AGBL4: variants seen among roughly 807,000 people sequenced by gnomAD.
AGBL4 encodes the protein cytosolic carboxypeptidase 6.
AGBL4 carries 58 observed loss-of-function variants against 66.4 expected under a neutral mutation model. The observed-to-expected ratio is 0.87, with a 90% CI of 0.71 to 1.09. The LOEUF (loss-of-function observed/expected upper bound fraction) is 1.09. Among genes scored for constraint, AGBL4 ranks in the 50% least tolerant of loss-of-function variants. The pLI, the probability that AGBL4 is intolerant of heterozygous loss-of-function variation, is 0.00. For synonymous variants in AGBL4, 234 were observed against 222.9 expected (o/e 1.05, Z -0.44); for missense variants, 579 against 631.0 (o/e 0.92, Z 0.88).
intron 1 of AGBL4, among the ~76,000 whole-genome samples, chr1:49,982,498 T>G (rs1309465527): frequency 1.3e-5 from 2 of 152,182 alleles, no homozygotes; most frequent in Non-Finnish European, 2.9e-5. Context: ...AGGCGCCCCC[T>G]CAGCATGAAG....
intron 9 of AGBL4, among the ~76,000 whole-genome samples, chr1:48,594,468 T>C (rs1256259946): frequency 6.6e-6 from 1 of 152,230 alleles, no homozygotes; most frequent in Non-Finnish European, 1.5e-5. Context: ...AGCTATGTAT[T>C]ATAGAAATTA....
intron 3 of AGBL4, among the ~76,000 whole-genome samples, chr1:49,260,404 C>T (rs1653015617): frequency 6.6e-6 from 1 of 151,492 alleles, no homozygotes; most frequent in Non-Finnish European, 1.5e-5. Flanking sequence ...AATTGATAGA[C>T]CGCTAGCAAG....
chr1:48,761,642 A>C (rs140587792), intron 6 of AGBL4, among the ~76,000 whole-genome samples: 22 of 152,354 alleles, frequency 1.4e-4, no homozygotes, highest in African/African-American at 5.3e-4. Flanking sequence ...TCCTAATAGC[A>C]GTGCAGATCT....
At chr1:48,528,479 C>A (rs889239427), downstream of AGBL4, among the ~76,000 whole-genome samples, 9 of 152,190 alleles carry the variant, frequency 5.9e-5, no homozygotes, top group African/African-American at 2.2e-4. Context: ...TAATAGGCAT[C>A]ATTAGGATGA....
At chr1:49,184,675 T>C (rs934595831) in intron 4 of AGBL4, among the ~76,000 whole-genome samples, 15 of 152,214 alleles carry the variant, frequency 9.9e-5, no homozygotes, top group African/African-American at 3.6e-4. Context: ...ATGATAGATT[T>C]CTGCAAAGGC....
intron 11 of AGBL4, among the ~76,000 whole-genome samples, chr1:48,575,427 A>C (rs903707570): frequency 6.6e-6 from 1 of 152,110 alleles, no homozygotes. Context: ...CGATATGTTC[A>C]CCTATCTCCA....
At chr1:49,102,595 T>C (rs992609513) in intron 4 of AGBL4, among the ~76,000 whole-genome samples, 1 of 152,186 alleles carries the variant, frequency 6.6e-6, no homozygotes, top group African/African-American at 2.4e-5. Context: ...TTCATGTATC[T>C]CTAATGTGAG....
intron 1 of AGBL4, among the ~76,000 whole-genome samples, chr1:49,941,468 C>T (rs1023324724): frequency 1.3e-5 from 2 of 152,020 alleles, no homozygotes; most frequent in African/African-American, 4.8e-5. Context: ...GAACATGATG[C>T]AAAAATCCTC....
chr1:48,932,285 G>A (rs187041230), intron 5 of AGBL4, among the ~76,000 whole-genome samples: 1 of 152,182 alleles, frequency 6.6e-6, no homozygotes, highest in East Asian at 1.9e-4. Flanking sequence ...AAGGAAAACT[G>A]TGTTCTTGGA....
chr1:49,151,018 C>G (rs1250905547), intron 4 of AGBL4, among the ~76,000 whole-genome samples: 1 of 151,980 alleles, frequency 6.6e-6, no homozygotes, highest in Non-Finnish European at 1.5e-5. Flanking sequence ...TCTGTAATCC[C>G]AGCACTTTGG....
At chr1:48,712,382 T>C (rs1646981985) in intron 6 of AGBL4, among the ~76,000 whole-genome samples, 1 of 152,212 alleles carries the variant, frequency 6.6e-6, no homozygotes, top group Non-Finnish European at 1.5e-5. Flanking sequence ...TGCTGCTTTT[T>C]TCCCCACGGG....
chr1:49,473,951 G>T (rs773475250), intron 3 of AGBL4, among the ~76,000 whole-genome samples: 35 of 151,880 alleles, frequency 2.3e-4, no homozygotes, highest in Admixed American at 2.0e-3. Context: ...ATGTGGGCAG[G>T]TTTATTTCAG....
intron 3 of AGBL4, among the ~76,000 whole-genome samples, chr1:49,518,530 T>C (rs755281662): frequency 1.6e-4 from 24 of 152,064 alleles, no homozygotes; most frequent in Non-Finnish European, 2.5e-4. Context: ...ATAACATCAG[T>C]GTCAATAAGC....
chr1:49,622,233 G>A (rs182021391), intron 3 of AGBL4, among the ~76,000 whole-genome samples: 1 of 152,280 alleles, frequency 6.6e-6, no homozygotes, highest in African/African-American at 2.4e-5. Context: ...AAAAAACATA[G>A]GTTTCAGCAT....
intron 2 of AGBL4, among the ~76,000 whole-genome samples, chr1:49,752,408 G>T (rs1193771047): frequency 6.6e-6 from 1 of 152,152 alleles, no homozygotes; most frequent in Non-Finnish European, 1.5e-5. Context: ...TTAATCCTGA[G>T]TTCCAATTTG....
chr1:49,545,558 C>G (rs1400614401), intron 3 of AGBL4, among the ~76,000 whole-genome samples: 3 of 152,118 alleles, frequency 2.0e-5, no homozygotes, highest in African/African-American at 7.2e-5. Flanking sequence ...ATGAGAAAGT[C>G]TAAGTTCACA....
At position 48,848,825 on chromosome 1, in the gene AGBL4, G is replaced by T. The variant is rs552252211; in HGVS notation, c.634+18366C>A. 1.1e-4 allele frequency among the ~76,000 whole-genome samples: 17 copies of T among 152,292 alleles called. No individual in the cohort carries two copies. The South Asian group carries it at 3.5e-3, about 32-fold the overall frequency. ...AGAAATGTCAACGTTCAATGGAGCC[G>T]CACAGACCTGTGTGCGCACAGATCC... On this transcript the variant is annotated intron_variant, in intron 6 of 13. Transcript: ENST00000371839.
intron 6 of AGBL4, among the ~76,000 whole-genome samples, chr1:48,679,088 G>A (rs576974112): frequency 2.0e-5 from 3 of 152,318 alleles, no homozygotes; most frequent in Admixed American, 1.3e-4. Context: ...AGGGAAGCAC[G>A]GGGTACTGGG....
At chr1:48,855,811 T>C (rs1174936287) in intron 6 of AGBL4, among the ~76,000 whole-genome samples, 1 of 152,104 alleles carries the variant, frequency 6.6e-6, no homozygotes, top group Non-Finnish European at 1.5e-5. Flanking sequence ...ACTTTAAGAA[T>C]AAATATACTT....
Sources: allele counts gnomAD v4.1 joint callset (sites outside exome capture counted in the v4.1 genomes callset), GRCh38; gene constraint gnomAD v4.1.1; transcripts MANE v1.5; gene names NCBI Gene and HGNC (gene_info 2026-07-23, HGNC 2026-07-21).